The following SMCR8 variants were observed in gnomAD, a reference collection of about 807,000 sequenced individuals.
SMCR8 encodes guanine nucleotide exchange protein SMCR8.
A neutral mutation model predicts 56.6 loss-of-function variants in SMCR8; 30 were observed. The ratio of observed to expected loss-of-function variants is 0.53; its 90% CI spans 0.40 to 0.72. SMCR8 has a LOEUF of 0.72. Among genes scored for constraint, SMCR8 ranks in the 30% least tolerant of loss-of-function variants. The pLI is 0.00. For synonymous variants in SMCR8, 538 were observed against 456.0 expected, an observed-to-expected ratio of 1.18 and a Z score of -2.29; for missense variants, 1,198 against 1,157.0, an observed-to-expected ratio of 1.04 and a Z score of -0.51.
At position 18,318,072 on chromosome 17, in the gene SMCR8, T is replaced by C. The variant is rs1567759155; in HGVS notation, c.2283T>C (p.Ala761=). ...AIFVPSYGCY[A]KPVKHWASSP... is the part of the protein sequence containing the mutation. ...TTGTCCCCAGCTATGGCTGCTACGCTAAGCCCGTGAAACATTGGGCCTCCT... is the reference window on the plus strand; with the variant it reads ...TTGTCCCCAGCTATGGCTGCTACGCCAAGCCCGTGAAACATTGGGCCTCCT... The change falls in exon 1 of 2, where the codon GCT becomes GCC. Residue 761 remains alanine, a synonymous_variant. Coordinates refer to ENST00000406438, the MANE Select transcript of SMCR8 (RefSeq NM_144775.3). 2 of 1,614,240 alleles carry C rather than the reference T, an allele frequency of 1.2e-6. No individual in the cohort carries two copies. Among genetic ancestry groups the C allele is most frequent in the Non-Finnish European group, 1.7e-6 (2 of 1,180,040 alleles).
rs181277713 is a variant in SMCR8 at position 18,317,734 on chromosome 17, G to A, written c.1945G>A (p.Ala649Thr). 1.6e-4 allele frequency: 252 copies of A among 1,614,100 alleles called. No individual in the cohort carries two copies. The East Asian group carries it at 4.9e-3, about 32-fold the overall frequency. The change falls in exon 1 of 2, where the codon GCT (alanine) becomes ACT (threonine). Residue 649 changes from alanine to threonine, a missense_variant. Coordinates refer to ENST00000406438, the MANE Select transcript of SMCR8 (RefSeq NM_144775.3). ...AGACAACAGTTGTGAAGGGTTTCCC[G>A]CTTATGAGCTGGACCCGAGCCACCT... ...SRDNSCEGFP[A>T]YELDPSHLLA...
chr17:18,321,833 A>G (rs372533343), intron 1 of SMCR8, among the ~76,000 whole-genome samples: 1 of 152,222 alleles, frequency 6.6e-6, no homozygotes, highest in African/African-American at 2.4e-5. Flanking sequence ...CCCTGTCTCT[A>G]AATAAATAAA....
chr17:18,316,962 T>A lies in SMCR8; in HGVS notation c.1173T>A (p.Ser391=). Reference sequence around the variant, plus strand: ...TGGAGAAACAAGAAAGCATACCCTCTAAGCCCAGTCAAGACAGGCCGCCTT... The same window carrying A: ...TGGAGAAACAAGAAAGCATACCCTCAAAGCCCAGTCAAGACAGGCCGCCTT... ...RMVEKQESIP[S]KPSQDRPPSS... is the part of the protein sequence containing the mutation. Residue 391 remains serine (S), a synonymous_variant, in exon 1 of 2, where the codon TCT becomes TCA. Coordinates refer to ENST00000406438, the MANE Select transcript of SMCR8 (RefSeq NM_144775.3). 1.2e-6 allele frequency: 2 copies of A among 1,614,194 alleles called. No homozygotes were observed. The highest frequency in any genetic ancestry group is 1.7e-6 in the Non-Finnish European group (2 of 1,180,024).
intron 1 of SMCR8, among the ~76,000 whole-genome samples, chr17:18,321,187 A>C (rs1268562901): frequency 6.6e-6 from 1 of 152,210 alleles, no homozygotes; most frequent in Non-Finnish European, 1.5e-5. Context: ...TTCTTACACC[A>C]TACCTGTCTG....
chr17:18,322,751 A>C lies in SMCR8; in HGVS notation c.2495A>C (p.Asp832Ala). ...YRGTLVPRLA[D>A]HRTQIKRGST... Reference sequence around the variant, plus strand: ...GGCACCCTGGTGCCCCGCCTGGCAGACCACCGCACACAGATCAAGCGGGGC... The same window carrying C: ...GGCACCCTGGTGCCCCGCCTGGCAGCCCACCGCACACAGATCAAGCGGGGC... Residue 832 changes from aspartate (D) to alanine (A), a missense_variant, in exon 2 of 2, where the codon GAC (aspartate) becomes GCC (alanine). Physicochemically the swap from Asp to Ala is moderately radical, Grantham distance 126. Coordinates refer to ENST00000406438, the MANE Select transcript of SMCR8 (RefSeq NM_144775.3). 2 of 1,614,198 alleles carry C rather than the reference A, an allele frequency of 1.2e-6. No individual in the cohort carries two copies. The highest frequency in any genetic ancestry group is 2.2e-5 in the South Asian group (2 of 91,082).
At chr17:18,320,148 C>T (rs1299822072) in intron 1 of SMCR8, among the ~76,000 whole-genome samples, 1 of 152,212 alleles carries the variant, frequency 6.6e-6, no homozygotes, top group African/African-American at 2.4e-5. Context: ...CCTGGCTTGA[C>T]CACTTGCTAG....
chr17:18,326,209 C>T lies in SMCR8; in HGVS notation c.*3139C>T, dbSNP rs1421163366. The T allele has an allele frequency of 6.6e-6, 1 of 152,192 alleles. No individual in the cohort carries two copies. The highest frequency in any genetic ancestry group is 1.5e-5 in the Non-Finnish European group (1 of 68,054). 9.4% of individuals were successfully genotyped at this position (152,192 alleles called of 1,614,324 possible). On this transcript the variant is annotated 3_prime_UTR_variant, in exon 2 of 2. Coordinates refer to ENST00000406438, the MANE Select transcript of SMCR8 (RefSeq NM_144775.3). ...TCAGTCCTCACTATTGCTTTGAGGG[C>T]CCAGGTACTGAAACTGGTTGTCTTG...
chr17:18,315,644 A>C lies in SMCR8; in HGVS notation c.-146A>C. On this transcript the variant is annotated 5_prime_UTR_variant, in exon 1 of 2. Transcript: ENST00000406438. ...GAGTTCTTCTCCTCGGGTGTGTGAG[A>C]AGCAGCCTAGGACCCCGGGTTCGGG... The C allele has an allele frequency of 1.4e-6, 1 of 702,282 alleles. No homozygotes were observed. Among genetic ancestry groups the C allele is most frequent in the Admixed American group, 2.6e-5 (1 of 37,812 alleles). The allele number at this position is 702,282 out of a possible 1,614,324, so 43.5% of individuals were successfully genotyped here. A position where few individuals can be genotyped will look rare whatever the true frequency, so the allele number is the denominator to read the frequency against.
chr17:18,320,841 C>T (rs1344271550), intron 1 of SMCR8, among the ~76,000 whole-genome samples: 1 of 152,204 alleles, frequency 6.6e-6, no homozygotes, highest in Non-Finnish European at 1.5e-5. Flanking sequence ...TCTGCCACAC[C>T]CTCCTCAGTC....
At chr17:18,321,884 G>C (rs1982507724) in intron 1 of SMCR8, among the ~76,000 whole-genome samples, 1 of 152,258 alleles carries the variant, frequency 6.6e-6, no homozygotes, top group South Asian at 2.1e-4. Context: ...GTGAGGCTCA[G>C]AGAGGTTAAT....
intron 1 of SMCR8, 51 bp from the exon 2 acceptor site, chr17:18,322,566 C>G: frequency 6.4e-7 from 1 of 1,563,412 alleles, no homozygotes; most frequent in Non-Finnish European, 8.7e-7. Flanking sequence ...GCTTCTGCCT[C>G]CACTTTCCCG....
At chr17:18,320,506 C>T (rs924455916) in intron 1 of SMCR8, among the ~76,000 whole-genome samples, 2 of 152,202 alleles carry the variant, frequency 1.3e-5, no homozygotes, top group South Asian at 2.1e-4. Context: ...CCTGGGTGCC[C>T]TGTGGCGGCA....
At position 18,316,791 on chromosome 17, in the gene SMCR8, C is replaced by T; in HGVS notation, c.1002C>T (p.Thr334=). The change falls in exon 1 of 2, where the codon ACC becomes ACT. Residue 334 remains threonine (T), a synonymous_variant. Coordinates refer to ENST00000406438, the MANE Select transcript of SMCR8 (RefSeq NM_144775.3). ...ELCDTEYFTQ[T]LAQLSHIEHM... is the part of the protein sequence containing the mutation. ...GTGACACTGAATATTTCACCCAGACCCTGGCTCAGCTCAGCCACATTGAAC... is the reference window on the plus strand; with the variant it reads ...GTGACACTGAATATTTCACCCAGACTCTGGCTCAGCTCAGCCACATTGAAC... The T allele has an allele frequency of 6.2e-7, 1 of 1,614,204 alleles. No homozygotes were observed. The highest frequency in any genetic ancestry group is 8.5e-7 in the Non-Finnish European group (1 of 1,180,036).
rs944503118 is a variant in SMCR8 at position 18,315,625 on chromosome 17, T to G, written c.-165T>G. On this transcript the variant is annotated 5_prime_UTR_variant, in exon 1 of 2. Transcript: ENST00000406438. ...AACTGTGAGGGGGCTGCTAGAGTTC[T>G]TCTCCTCGGGTGTGTGAGAAGCAGC... is the stretch of plus-strand genomic sequence containing the variant. 1 of 621,842 alleles carries G rather than the reference T, an allele frequency of 1.6e-6. No homozygotes were observed. The highest frequency in any genetic ancestry group is 2.8e-6 in the Non-Finnish European group (1 of 358,710). 38.5% of individuals were successfully genotyped at this position (621,842 alleles called of 1,614,324 possible).
intron 1 of SMCR8, among the ~76,000 whole-genome samples, chr17:18,319,209 A>G (rs144576504): frequency 4.7e-4 from 72 of 152,290 alleles, no homozygotes; most frequent in East Asian, 2.1e-3. Flanking sequence ...ATTCGGACCA[A>G]CCATCTCATT....
In SMCR8 at chr17:18,317,607, T is replaced by C; in HGVS notation, c.1818T>C (p.Ser606=). The C allele has an allele frequency of 6.2e-7, 1 of 1,614,170 alleles. No individual in the cohort carries two copies. The highest frequency in any genetic ancestry group is 8.5e-7 in the Non-Finnish European group (1 of 1,180,030). ...CCTCCACTCCAGCCCACACACACTC[T>C]GACGAGGATGGGGTGGTGAGCAGCC... The part of the protein sequence containing the change: ...VLPSTPAHTH[S]DEDGVVSSPP... Residue 606 remains serine, a synonymous_variant, in exon 1 of 2, where the codon TCT becomes TCC. Transcript: ENST00000406438.
At chr17:18,318,864 C>G (rs1227238438) in intron 1 of SMCR8, among the ~76,000 whole-genome samples, 1 of 152,030 alleles carries the variant, frequency 6.6e-6, no homozygotes, top group Non-Finnish European at 1.5e-5. Context: ...GGACAGATGA[C>G]TCCGGGGGAA....
chr17:18,321,722 C>T (rs1982503273), intron 1 of SMCR8, among the ~76,000 whole-genome samples: 1 of 152,096 alleles, frequency 6.6e-6, no homozygotes, highest in Non-Finnish European at 1.5e-5. Context: ...GTACCAAATA[C>T]TTGGGAGGCC....
chr17:18,317,561 G>C lies in SMCR8; in HGVS notation c.1772G>C (p.Ser591Thr). The C allele has an allele frequency of 3.1e-6, 5 of 1,614,154 alleles. No homozygotes were observed. Among genetic ancestry groups the C allele is most frequent in the Non-Finnish European group, 4.2e-6 (5 of 1,180,046 alleles). ...TCCTCCTGCTGTATTGGGAAGGAGA[G>C]CGATGGTCAGTTGGTGCTGCCCTCC... Reference protein sequence around the residue: ...IDSSCCIGKESDGQLVLPSTP... With the variant: ...IDSSCCIGKETDGQLVLPSTP... Residue 591 changes from serine (S) to threonine (T), a missense_variant, in exon 1 of 2, where the codon AGC becomes ACC. By Grantham distance (58) the Ser-to-Thr change is moderately conservative (BLOSUM62 1). Coordinates refer to ENST00000406438, the MANE Select transcript of SMCR8 (RefSeq NM_144775.3).
Sources: allele counts gnomAD v4.1 joint callset (sites outside exome capture counted in the v4.1 genomes callset), GRCh38; gene constraint gnomAD v4.1.1; transcripts MANE v1.5; gene names NCBI Gene and HGNC (gene_info 2026-07-23, HGNC 2026-07-21).